CEP170: variants seen among roughly 807,000 people sequenced by gnomAD.
CEP170 encodes centrosomal protein of 170 kDa.
A neutral mutation model predicts 151.9 loss-of-function variants in CEP170; 21 were observed. That is an observed-to-expected ratio of 0.14 (90% CI 0.10 to 0.20). The LOEUF (loss-of-function observed/expected upper bound fraction) is 0.20, where lower values mean the gene tolerates loss of function less well. Among genes scored for constraint, CEP170 ranks in the 10% least tolerant of loss-of-function variants. The pLI is 1.00. For missense variants in CEP170, 964 were observed against 1,892.9 expected (o/e 0.51, Z 9.11); for synonymous variants, 356 against 648.8 (o/e 0.55, Z 6.86).
At chr1:243,230,684 A>G (rs932054933) in intron 1 of CEP170, among the ~76,000 whole-genome samples, 1 of 152,190 alleles carries the variant, frequency 6.6e-6, no homozygotes, top group African/African-American at 2.4e-5. Context: ...CCTGAAGATA[A>G]GAACAGTGAG....
At position 243,254,619 on chromosome 1, in the gene CEP170, A is replaced by G. The variant is rs1192158418; in HGVS notation, c.-42+421T>C. The G allele has an allele frequency of 3.9e-5, 6 of 152,540 alleles. No individual in the cohort carries two copies. The East Asian group carries it at 1.2e-3, about 29-fold the overall frequency. 9.4% of individuals were successfully genotyped at this position (152,540 alleles called of 1,614,324 possible). On this transcript the variant is annotated intron_variant, in intron 1 of 19. Coordinates refer to ENST00000366542, the MANE Select transcript of CEP170 (RefSeq NM_014812.3). ...AAAATCCCTTCCCCAGCGGCAGCGC[A>G]GCCATTCCCTCCAATGCTCCGCCCG...
At chr1:243,245,742 A>C (rs1345891958) in intron 1 of CEP170, among the ~76,000 whole-genome samples, 1 of 151,268 alleles carries the variant, frequency 6.6e-6, no homozygotes, top group African/African-American at 2.5e-5. Flanking sequence ...AACAAAAAAC[A>C]AAAAACAAAA....
intron 1 of CEP170, among the ~76,000 whole-genome samples, chr1:243,242,018 G>A: frequency 6.6e-6 from 1 of 151,978 alleles, no homozygotes; most frequent in East Asian, 1.9e-4. Flanking sequence ...AAGAACAAGA[G>A]AGAAAGGAAA....
chr1:243,201,033 T>C (rs1241653086), intron 4 of CEP170, among the ~76,000 whole-genome samples, 198 bp from the exon 5 acceptor site: 3 of 152,066 alleles, frequency 2.0e-5, no homozygotes, highest in Non-Finnish European at 4.4e-5. Context: ...AATCTTAAGA[T>C]CCAGCAAGTT....
At chr1:243,207,670 A>C (rs564757696) in intron 4 of CEP170, among the ~76,000 whole-genome samples, 1 of 151,676 alleles carries the variant, frequency 6.6e-6, no homozygotes, top group South Asian at 2.1e-4. Context: ...AAAGGATTTG[A>C]GACATACAAA....
chr1:243,206,903 A>G (rs2061458218), intron 4 of CEP170, among the ~76,000 whole-genome samples: 1 of 152,212 alleles, frequency 6.6e-6, no homozygotes, highest in African/African-American at 2.4e-5. Context: ...TCCTAAAGGT[A>G]CCACTAAAAC....
chr1:243,216,347 GC>G (rs1341900125), intron 3 of CEP170, among the ~76,000 whole-genome samples: 1 of 149,400 alleles, frequency 6.7e-6, no homozygotes, highest in African/African-American at 2.5e-5. Context: ...TGCTATCCCT[GC>G]CCCCCTCCCC....
intron 10 of CEP170, among the ~76,000 whole-genome samples, chr1:243,180,883 A>T (rs1191955077): frequency 2.0e-5 from 3 of 152,210 alleles, no homozygotes; most frequent in Non-Finnish European, 4.4e-5. Context: ...CTATGAGGGA[A>T]GAAAAGACGC....
chr1:243,152,304 C>T (rs1480116128), intron 14 of CEP170, among the ~76,000 whole-genome samples: 1 of 150,942 alleles, frequency 6.6e-6, no homozygotes, highest in Non-Finnish European at 1.5e-5. Context: ...TCACTGCAAG[C>T]TCCGCCTCCT....
intron 4 of CEP170, among the ~76,000 whole-genome samples, chr1:243,209,485 C>T (rs1473895683): frequency 6.6e-6 from 1 of 152,132 alleles, no homozygotes; most frequent in Non-Finnish European, 1.5e-5. Context: ...CTGCGCCCAG[C>T]CTGCTGTAGC....
chr1:243,252,790 A>G (rs1163355549), intron 1 of CEP170, among the ~76,000 whole-genome samples: 2 of 152,164 alleles, frequency 1.3e-5, no homozygotes, highest in Non-Finnish European at 2.9e-5. Flanking sequence ...TAAATAATAA[A>G]TCCTTTAAAG....
intron 10 of CEP170, among the ~76,000 whole-genome samples, chr1:243,174,708 T>C (rs1171472430): frequency 6.6e-6 from 1 of 152,246 alleles, no homozygotes; most frequent in Non-Finnish European, 1.5e-5. Context: ...AAATCAAATA[T>C]GAATTTTAAT....
intron 3 of CEP170, among the ~76,000 whole-genome samples, chr1:243,220,396 C>G (rs563113866): frequency 6.6e-6 from 1 of 151,240 alleles, no homozygotes; most frequent in East Asian, 1.9e-4. Context: ...ACACTTAATT[C>G]TACATGCTTT....
At chr1:243,150,183 C>T (rs2056926172) in intron 14 of CEP170, among the ~76,000 whole-genome samples, 1 of 152,178 alleles carries the variant, frequency 6.6e-6, no homozygotes, top group African/African-American at 2.4e-5. Context: ...CAGAATCTCG[C>T]TCTGTCACCC....
At chr1:243,244,213 T>C (rs1350245442) in intron 1 of CEP170, among the ~76,000 whole-genome samples, 5 of 152,198 alleles carry the variant, frequency 3.3e-5, no homozygotes, top group Non-Finnish European at 7.3e-5. Flanking sequence ...AAAACTGCTA[T>C]CGTGTTCCTA....
chr1:243,222,308 G>A (rs2062891709), intron 2 of CEP170, among the ~76,000 whole-genome samples: 1 of 152,098 alleles, frequency 6.6e-6, no homozygotes, highest in Non-Finnish European at 1.5e-5. Flanking sequence ...TTAAAATATG[G>A]GCTCTAAAAC....
At chr1:243,134,578 A>AC (rs2054806527) in intron 17 of CEP170, among the ~76,000 whole-genome samples, 1 of 151,902 alleles carries the variant, frequency 6.6e-6, no homozygotes, top group South Asian at 2.1e-4. Flanking sequence ...GCTCACTGTA[A>AC]CTCTGAACTC....
chr1:243,186,633 C>T (rs1429398238), intron 8 of CEP170: 4 of 533,406 alleles, frequency 7.5e-6, no homozygotes, highest in Non-Finnish European at 1.3e-5. Flanking sequence ...TTATAAACAA[C>T]TGAATAGGAT....
At chr1:243,148,142 A>G (rs1476126632) in intron 14 of CEP170, among the ~76,000 whole-genome samples, 1 of 152,052 alleles carries the variant, frequency 6.6e-6, no homozygotes, top group African/African-American at 2.4e-5. Flanking sequence ...TCATGCCACT[A>G]TACTCCAGCC....
Sources: allele counts gnomAD v4.1 joint callset (sites outside exome capture counted in the v4.1 genomes callset), GRCh38; gene constraint gnomAD v4.1.1; transcripts MANE v1.5; gene names NCBI Gene and HGNC (gene_info 2026-07-23, HGNC 2026-07-21).